PKIB: variants seen among roughly 807,000 people sequenced by gnomAD.
PKIB encodes PKI-beta.
Under a neutral mutation model 4.5 loss-of-function variants are expected in PKIB, and 2 were observed. The observed-to-expected ratio is 0.44, with a 90% CI of 0.18 to 1.39. The LOEUF (loss-of-function observed/expected upper bound fraction) is 1.39, where lower values mean the gene tolerates loss of function less well. PKIB is among the 40% of genes most tolerant of loss of function. The pLI is 0.27. For synonymous variants in PKIB, 38 were observed against 36.0 expected (o/e 1.06, Z -0.20); for missense variants, 94 against 92.6 (o/e 1.02, Z -0.06).
rs1440964212 is a variant in PKIB, at chr6:122,652,494, A to T, written c.-76+19127A>T. On this transcript the variant is annotated intron_variant, in intron 2 of 4. Transcript: ENST00000368452. ...GGGAAAGCACTCATCTGTTCTTTTG[A>T]TGATTGAGTCAAACCCACCCAGATT... 2.6e-5 allele frequency among the ~76,000 whole-genome samples: 4 copies of T among 152,118 alleles called. No individual in the cohort carries two copies. The East Asian group carries it at 7.7e-4, about 29-fold the overall frequency.
chr6:122,584,570 G>A (rs763851353), intron 2 of PKIB, among the ~76,000 whole-genome samples: 29 of 151,916 alleles, frequency 1.9e-4, no homozygotes, highest in Admixed American at 5.9e-4. Flanking sequence ...TAAAGAAATA[G>A]GTCTCAGAGA....
At chr6:122,723,700 C>T (rs1414074333) in intron 4 of PKIB, among the ~76,000 whole-genome samples, 1 of 152,106 alleles carries the variant, frequency 6.6e-6, no homozygotes, top group Non-Finnish European at 1.5e-5. Flanking sequence ...CTTCTCCCCA[C>T]TATCTATATA....
At chr6:122,683,460 C>G (rs530972428) in intron 3 of PKIB, among the ~76,000 whole-genome samples, 3 of 152,208 alleles carry the variant, frequency 2.0e-5, no homozygotes, top group South Asian at 2.1e-4. Flanking sequence ...AATTCACCCC[C>G]CATGATCCAA....
chr6:122,572,352 A>G (rs535503578), intron 2 of PKIB, among the ~76,000 whole-genome samples: 2 of 152,302 alleles, frequency 1.3e-5, no homozygotes, highest in Admixed American at 6.5e-5. Flanking sequence ...AATACATGGA[A>G]ATTAAATAAT....
chr6:122,564,764 C>T (rs1036407995), intron 2 of PKIB, among the ~76,000 whole-genome samples: 1 of 151,942 alleles, frequency 6.6e-6, no homozygotes, highest in African/African-American at 2.4e-5. Flanking sequence ...TTGGGAAGGA[C>T]CCTTTTTTGG....
At chr6:122,503,642 A>G (rs900723189) in intron 2 of PKIB, among the ~76,000 whole-genome samples, 1 of 152,164 alleles carries the variant, frequency 6.6e-6, no homozygotes, top group Non-Finnish European at 1.5e-5. Flanking sequence ...CCCAAAAGAA[A>G]GAGAGGGCTA....
intron 2 of PKIB, among the ~76,000 whole-genome samples, chr6:122,562,647 A>C (rs1448542995): frequency 1.3e-5 from 2 of 152,090 alleles, no homozygotes; most frequent in East Asian, 3.9e-4. Flanking sequence ...GACTTTGTTC[A>C]TATTTTCTTA....
chr6:122,633,034 C>T (rs904138924), intron 1 of PKIB, among the ~76,000 whole-genome samples: 1 of 152,070 alleles, frequency 6.6e-6, no homozygotes, highest in African/African-American at 2.4e-5. Flanking sequence ...GAAATACATT[C>T]CTTATTTATC....
In PKIB at chr6:122,472,478, T is replaced by C. The variant is rs542481451; in HGVS notation, c.-337+437T>C. Among the ~76,000 whole-genome samples, 26 of 152,342 alleles carry C rather than the reference T, an allele frequency of 1.7e-4. No homozygotes were observed. In the South Asian group the frequency reaches 5.4e-3, roughly 32 times the overall value. ...CATTGATTTCGAATGTCATGAGCTG[T>C]TGAGGCATGTGGAACCCTTGCATAT... On this transcript the variant is annotated intron_variant, in intron 1 of 6. Transcript: ENST00000392491.
At chr6:122,591,257 C>T (rs1260153764) in intron 3 of PKIB, among the ~76,000 whole-genome samples, 2 of 151,460 alleles carry the variant, frequency 1.3e-5, no homozygotes, top group African/African-American at 2.4e-5. Flanking sequence ...ATTAGACAAA[C>T]GTTTTCTAAC....
chr6:122,578,471 AT>A (rs1479194783), intron 2 of PKIB, among the ~76,000 whole-genome samples: 1 of 152,108 alleles, frequency 6.6e-6, no homozygotes, highest in Non-Finnish European at 1.5e-5. Context: ...ATCTATTGTG[AT>A]GAATTATAAC....
At chr6:122,561,662 A>T (rs1773016309) in intron 2 of PKIB, among the ~76,000 whole-genome samples, 1 of 151,794 alleles carries the variant, frequency 6.6e-6, no homozygotes. Flanking sequence ...TTACCTTTAT[A>T]TATTGTCCGT....
chr6:122,616,738 C>T (rs1034666142), intron 1 of PKIB, among the ~76,000 whole-genome samples: 1 of 150,148 alleles, frequency 6.7e-6, no homozygotes, highest in African/African-American at 2.4e-5. Context: ...ATGGAAATAA[C>T]TGTTATGCTA....
intron 1 of PKIB, among the ~76,000 whole-genome samples, chr6:122,474,309 ATTC>A (rs1477868561): frequency 6.6e-6 from 1 of 152,212 alleles, no homozygotes; most frequent in Non-Finnish European, 1.5e-5. Flanking sequence ...TGCCTGTTAC[ATTC>A]TTCTCTTGTG....
At chr6:122,576,668 CAA>C (rs71867898) in intron 2 of PKIB, among the ~76,000 whole-genome samples, 4 of 12,018 alleles carry the variant, frequency 3.3e-4, no homozygotes, top group African/African-American at 4.4e-4. Flanking sequence ...GACTCCATCT[CAA>C]AAAAAAAAAA....
chr6:122,572,628 A>G (rs1773401429), intron 2 of PKIB, among the ~76,000 whole-genome samples: 1 of 151,390 alleles, frequency 6.6e-6, no homozygotes, highest in Non-Finnish European at 1.5e-5. Context: ...AACAAAGATC[A>G]GAGCAGAACT....
At chr6:122,491,846 T>C (rs561697182) in intron 2 of PKIB, among the ~76,000 whole-genome samples, 1 of 152,346 alleles carries the variant, frequency 6.6e-6, no homozygotes, top group South Asian at 2.1e-4. Flanking sequence ...AAAACTAAGG[T>C]TAATCTAGAA....
chr6:122,502,640 C>G (rs1776277090), intron 2 of PKIB, among the ~76,000 whole-genome samples: 1 of 152,124 alleles, frequency 6.6e-6, no homozygotes, highest in Non-Finnish European at 1.5e-5. Flanking sequence ...TCCCACTAGG[C>G]CCTTCCTCAA....
intron 3 of PKIB, among the ~76,000 whole-genome samples, chr6:122,716,838 G>T (rs1779519105): frequency 6.6e-6 from 1 of 152,022 alleles, no homozygotes; most frequent in African/African-American, 2.4e-5. Flanking sequence ...TCTGTGTTAG[G>T]GTGTCTATCT....
Sources: gnomAD v4.1 joint callset for allele counts (sites outside exome capture counted in the v4.1 genomes callset) on GRCh38, gnomAD v4.1.1 for gene constraint, MANE v1.5 for transcripts, NCBI Gene and HGNC (gene_info 2026-07-23, HGNC 2026-07-21) for gene names.